AOPEP: variants seen among roughly 807,000 people sequenced by gnomAD.
AOPEP encodes the protein aminopeptidase O (putative), also known as aminopeptidase O.
In AOPEP, 77 loss-of-function variants were observed where a neutral mutation model predicts 98.1. The observed-to-expected ratio is 0.78, with a 90% CI of 0.65 to 0.95. AOPEP has a LOEUF of 0.95. AOPEP is among the 40% of genes least tolerant of loss of function. The pLI is 0.00. For synonymous variants in AOPEP, 346 were observed against 365.3 expected, an observed-to-expected ratio of 0.95 and a Z score of 0.60; for missense variants, 1,024 against 1,024.7, an observed-to-expected ratio of 1.00 and a Z score of 0.01.
At chr9:94,733,677 A>G (rs1348141220) in intron 1 of AOPEP, among the ~76,000 whole-genome samples, 6 of 152,230 alleles carry the variant, frequency 3.9e-5, no homozygotes, top group East Asian at 1.9e-4. Flanking sequence ...ATTCATTTCA[A>G]TATGACCTAC....
chr9:94,774,169 G>T (rs912309133), intron 3 of AOPEP, among the ~76,000 whole-genome samples: 1 of 151,552 alleles, frequency 6.6e-6, no homozygotes. Context: ...AAAATTAGCC[G>T]GGCGTGGGGG....
chr9:94,970,410 C>T (rs748840012), intron 10 of AOPEP, among the ~76,000 whole-genome samples: 11 of 149,170 alleles, frequency 7.4e-5, no homozygotes, highest in Non-Finnish European at 1.5e-4. Flanking sequence ...TCTTACTTCA[C>T]TAATGTGTTT....
chr9:94,834,665 C>T (rs566973387), intron 5 of AOPEP, among the ~76,000 whole-genome samples: 1 of 152,128 alleles, frequency 6.6e-6, no homozygotes, highest in South Asian at 2.1e-4. Flanking sequence ...TGGTGACGTG[C>T]ACCTGTAGTC....
intron 5 of AOPEP, among the ~76,000 whole-genome samples, chr9:94,883,185 C>T (rs1259154534): frequency 6.6e-6 from 1 of 152,214 alleles, no homozygotes; most frequent in Non-Finnish European, 1.5e-5. Flanking sequence ...TCGTTGCCTG[C>T]TGTTCCAAGG....
intron 14 of AOPEP, among the ~76,000 whole-genome samples, chr9:95,068,098 A>G (rs2134025998): frequency 6.6e-6 from 1 of 152,330 alleles, no homozygotes. Flanking sequence ...ATGGACAGTT[A>G]GGGTGTTTCC....
chr9:94,902,998 GA>G (rs79964626), intron 5 of AOPEP, among the ~76,000 whole-genome samples: 124,534 of 148,480 alleles, frequency 0.84, 52,516 homozygotes, highest in Middle Eastern at 0.92. Context: ...TTTTTTTTTT[GA>G]AGACAGAGTC....
At chr9:94,849,327 A>C (rs2043241177) in intron 5 of AOPEP, among the ~76,000 whole-genome samples, 1 of 152,204 alleles carries the variant, frequency 6.6e-6, no homozygotes, top group Admixed American at 6.5e-5. Flanking sequence ...GAGATAATGT[A>C]TGTAAGGCAT....
intron 1 of AOPEP, among the ~76,000 whole-genome samples, chr9:94,750,999 G>T (rs1417043179): frequency 6.6e-6 from 1 of 151,874 alleles, no homozygotes; most frequent in Non-Finnish European, 1.5e-5. Context: ...CGCCCACCTT[G>T]GCCTCTCAAA....
intron 13 of AOPEP, among the ~76,000 whole-genome samples, chr9:95,049,977 T>C (rs1362605282): frequency 6.6e-6 from 1 of 152,222 alleles, no homozygotes; most frequent in African/African-American, 2.4e-5. Context: ...TTCAGGCTGC[T>C]CCAGGCTCTG....
At chr9:95,079,970 T>G (rs1277068379) in intron 14 of AOPEP, among the ~76,000 whole-genome samples, 1 of 152,206 alleles carries the variant, frequency 6.6e-6, no homozygotes, top group Non-Finnish European at 1.5e-5. Context: ...CTTACTGTGT[T>G]TGTTACAAAT....
intron 13 of AOPEP, among the ~76,000 whole-genome samples, chr9:95,060,214 CTT>C (rs974354791): frequency 2.6e-5 from 4 of 152,102 alleles, no homozygotes; most frequent in African/African-American, 9.7e-5. Context: ...AGTATGTGCT[CTT>C]TATTTCTCAG....
chr9:94,771,753 T>G (rs1415758793), intron 2 of AOPEP, among the ~76,000 whole-genome samples: 1 of 152,136 alleles, frequency 6.6e-6, no homozygotes, highest in Non-Finnish European at 1.5e-5. Context: ...CAGTCCCCAC[T>G]GTGACTCTGG....
chr9:94,995,438 G>C (rs1355655770), intron 11 of AOPEP, among the ~76,000 whole-genome samples: 1 of 152,138 alleles, frequency 6.6e-6, no homozygotes, highest in Non-Finnish European at 1.5e-5. Flanking sequence ...AGGCCACAGA[G>C]CTTCTTGGTG....
At position 95,084,729 on chromosome 9, in the gene AOPEP, T is replaced by C. The variant is rs965879270; in HGVS notation, c.*5-1953T>C. Among the ~76,000 whole-genome samples the C allele has an allele frequency of 2.0e-5, 3 of 147,492 alleles. No individual in the cohort carries two copies. In the East Asian group the frequency reaches 6.6e-4, roughly 32 times the overall value. Reference sequence around the variant, plus strand: ...GTCTCCCTTTTCCCCCTCCCCAGCATCTTCGATCCTGTCCCCACCCCTCCA... The same window carrying C: ...GTCTCCCTTTTCCCCCTCCCCAGCACCTTCGATCCTGTCCCCACCCCTCCA... On this transcript the variant is annotated intron_variant, in intron 16 of 16. Coordinates refer to ENST00000375315, the MANE Select transcript of AOPEP (RefSeq NM_001193329.3).
chr9:94,755,582 C>T (rs1300898472), intron 1 of AOPEP, among the ~76,000 whole-genome samples: 1 of 152,140 alleles, frequency 6.6e-6, no homozygotes, highest in Admixed American at 6.5e-5. Context: ...TTCTCCTTTG[C>T]CCCCCAAAGC....
chr9:94,812,222 A>C (rs1850764401), intron 5 of AOPEP, among the ~76,000 whole-genome samples: 2 of 152,148 alleles, frequency 1.3e-5, no homozygotes, highest in South Asian at 2.1e-4. Flanking sequence ...CCAGAGCTAG[A>C]TATTTACTTC....
intron 5 of AOPEP, among the ~76,000 whole-genome samples, chr9:94,806,862 C>T (rs531934998): frequency 1.3e-5 from 2 of 152,186 alleles, no homozygotes; most frequent in South Asian, 2.1e-4. Context: ...TTTTACAGAG[C>T]GGGTATTAAG....
At chr9:94,952,307 C>G (rs555417242) in intron 7 of AOPEP, among the ~76,000 whole-genome samples, 42 of 152,306 alleles carry the variant, frequency 2.8e-4, no homozygotes, top group Middle Eastern at 3.4e-3. Context: ...CATTAAAGTG[C>G]ACAAGTCTTT....
At chr9:94,790,220 G>C (rs1447258962) in intron 3 of AOPEP, among the ~76,000 whole-genome samples, 1 of 151,216 alleles carries the variant, frequency 6.6e-6, no homozygotes, top group Admixed American at 6.6e-5. Flanking sequence ...AGGCTGGAGT[G>C]CAATTGTGCG....
Sources: allele counts gnomAD v4.1 joint callset (sites outside exome capture counted in the v4.1 genomes callset), GRCh38; gene constraint gnomAD v4.1.1; transcripts MANE v1.5; gene names NCBI Gene and HGNC (gene_info 2026-07-23, HGNC 2026-07-21).